RAB38: variants seen among roughly 807,000 people sequenced by gnomAD.
The protein encoded by RAB38 is ras-related protein Rab-38.
In RAB38, 15 loss-of-function variants were observed where a neutral mutation model predicts 18.4. The ratio of observed to expected loss-of-function variants is 0.82; its 90% CI spans 0.55 to 1.26. The LOEUF is 1.26. Among genes scored for constraint, RAB38 ranks in the 50% most tolerant of loss-of-function variants. The pLI is 0.00. For missense variants in RAB38, 294 were observed against 267.4 expected (o/e 1.10, Z -0.69); for synonymous variants, 101 against 104.4 (o/e 0.97, Z 0.20).
intron 1 of RAB38, among the ~76,000 whole-genome samples, chr11:88,163,060 G>C (rs1009931274): frequency 2.0e-5 from 3 of 152,032 alleles, no homozygotes; most frequent in Admixed American, 6.6e-5. Context: ...TGACTAACTG[G>C]ATCATTCGCT....
chr11:87,952,103 C>A, the RAB38 span, among the ~76,000 whole-genome samples: 3 of 151,998 alleles, frequency 2.0e-5, no homozygotes, highest in East Asian at 5.8e-4. Flanking sequence ...CCTGGGAGCT[C>A]GCTGCATCCC....
chr11:88,071,231 C>A, the RAB38 span, among the ~76,000 whole-genome samples: 8 of 130,606 alleles, frequency 6.1e-5, no homozygotes, highest in Non-Finnish European at 1.3e-4. Flanking sequence ...AGCTTTTAAT[C>A]CACTGGGGGA....
chr11:87,924,676 T>C, the RAB38 span, among the ~76,000 whole-genome samples: 4 of 151,984 alleles, frequency 2.6e-5, no homozygotes, highest in Admixed American at 6.6e-5. Context: ...ATAACTCTTA[T>C]AACAGATCTG....
intron 2 of RAB38, among the ~76,000 whole-genome samples, chr11:88,130,721 T>C (rs921517287): frequency 2.0e-5 from 3 of 152,198 alleles, no homozygotes; most frequent in Admixed American, 6.5e-5. Context: ...AATTATTTAA[T>C]TACACTAAAT....
chr11:87,873,922 G>GTGTATGTATA, the RAB38 span, among the ~76,000 whole-genome samples: 72 of 103,120 alleles, frequency 7.0e-4, no homozygotes, highest in African/African-American at 2.5e-3. Flanking sequence ...GTGTGTGTGT[G>GTGTATGTATA]TATATATATA....
intron 2 of RAB38, among the ~76,000 whole-genome samples, chr11:88,146,218 T>C (rs1942983921): frequency 6.6e-6 from 1 of 152,092 alleles, no homozygotes; most frequent in East Asian, 1.9e-4. Context: ...GTGGGGTCAG[T>C]GGTAAGATGG....
At chr11:88,134,215 C>G (rs1356122904) in intron 2 of RAB38, among the ~76,000 whole-genome samples, 2 of 152,024 alleles carry the variant, frequency 1.3e-5, no homozygotes, top group African/African-American at 4.8e-5. Context: ...TCTCAGGACC[C>G]CATTCAAAAA....
the RAB38 span, among the ~76,000 whole-genome samples, chr11:88,034,188 T>C: frequency 6.6e-6 from 1 of 152,254 alleles, no homozygotes; most frequent in African/African-American, 2.4e-5. Flanking sequence ...TCACTCAGTA[T>C]ATTTCCCTTT....
At chr11:87,961,068 T>G in the RAB38 span, among the ~76,000 whole-genome samples, 1 of 152,168 alleles carries the variant, frequency 6.6e-6, no homozygotes. Context: ...TCTCTTTTCA[T>G]GCTGTGCCTA....
chr11:87,903,628 G>A, the RAB38 span, among the ~76,000 whole-genome samples: 5 of 150,994 alleles, frequency 3.3e-5, no homozygotes, highest in Non-Finnish European at 5.9e-5. Flanking sequence ...TTTTGTGTAA[G>A]CTTATTTTAT....
At chr11:88,122,241 T>C (rs1942639772) in intron 2 of RAB38, among the ~76,000 whole-genome samples, 3 of 152,212 alleles carry the variant, frequency 2.0e-5, no homozygotes, top group Admixed American at 2.0e-4. Context: ...TTACCAGTAA[T>C]TGCCATTAAG....
chr11:88,016,034 G>A, the RAB38 span, among the ~76,000 whole-genome samples: 2 of 152,056 alleles, frequency 1.3e-5, no homozygotes, highest in Non-Finnish European at 2.9e-5. Flanking sequence ...TCTCCATATA[G>A]AAAAAAGCAG....
chr11:87,950,720 C>T, the RAB38 span, among the ~76,000 whole-genome samples: 7 of 152,222 alleles, frequency 4.6e-5, no homozygotes, highest in African/African-American at 1.4e-4. Flanking sequence ...GGCCCCCACT[C>T]TCTTCTGGCT....
chr11:87,851,367 C>T, the RAB38 span, among the ~76,000 whole-genome samples: 75 of 152,232 alleles, frequency 4.9e-4, 1 homozygote, highest in South Asian at 7.0e-3. Context: ...GAAGTCATAC[C>T]ACTTAAAATA....
the RAB38 span, among the ~76,000 whole-genome samples, chr11:88,092,882 G>A: frequency 2.5e-4 from 38 of 151,916 alleles, no homozygotes; most frequent in African/African-American, 8.2e-4. Context: ...CTAGAGACAT[G>A]AGAGTTCATT....
the RAB38 span, among the ~76,000 whole-genome samples, chr11:87,940,892 A>G: frequency 6.6e-6 from 1 of 151,976 alleles, no homozygotes; most frequent in Non-Finnish European, 1.5e-5. Flanking sequence ...TCGGCCTCCC[A>G]AAGTGCTGAG....
the RAB38 span, among the ~76,000 whole-genome samples, chr11:87,853,134 C>T: frequency 6.6e-6 from 1 of 152,098 alleles, no homozygotes; most frequent in African/African-American, 2.4e-5. Context: ...TGGTCAGCGA[C>T]GTCTGGAAAG....
the RAB38 span, among the ~76,000 whole-genome samples, chr11:88,004,192 C>G: frequency 6.7e-6 from 1 of 149,250 alleles, no homozygotes; most frequent in African/African-American, 2.4e-5. Flanking sequence ...TTCATGAATA[C>G]AGATGAAAGG....
At chr11:88,108,045 T>G in the RAB38 span, among the ~76,000 whole-genome samples, 2 of 152,200 alleles carry the variant, frequency 1.3e-5, no homozygotes, top group Non-Finnish European at 2.9e-5. Context: ...TCCAATTATA[T>G]GATCAATTTT....
Sources: allele counts gnomAD v4.1 joint callset (sites outside exome capture counted in the v4.1 genomes callset), GRCh38; gene constraint gnomAD v4.1.1; transcripts MANE v1.5; gene names NCBI Gene and HGNC (gene_info 2026-07-23, HGNC 2026-07-21).